Variants in CPS1 observed in about 807,000 individuals in gnomAD.
CPS1 encodes the protein carbamoyl-phosphate synthase [ammonia], mitochondrial.
Under a neutral mutation model 174.6 loss-of-function variants are expected in CPS1, and 109 were observed. The ratio of observed to expected loss-of-function variants is 0.62; its 90% CI spans 0.53 to 0.73. The LOEUF is 0.73. Among genes scored for constraint, CPS1 ranks in the 30% least tolerant of loss-of-function variants. The pLI is 0.00. For missense variants in CPS1, 1,689 were observed against 1,821.9 expected (o/e 0.93, Z 1.33); for synonymous variants, 637 against 632.0 (o/e 1.01, Z -0.12).
intron 20 of CPS1, among the ~76,000 whole-genome samples, chr2:210,615,321 G>A (rs1699271442): frequency 1.3e-5 from 2 of 151,878 alleles, no homozygotes; most frequent in Admixed American, 1.3e-4. Context: ...CATTGACTAG[G>A]AAATGAACAT....
At chr2:210,663,082 C>T (rs762831530) in intron 32 of CPS1, 41 bp from the exon 33 acceptor site, 2 of 1,553,284 alleles carry the variant, frequency 1.3e-6, no homozygotes, top group Non-Finnish European at 1.8e-6. Flanking sequence ...TCTACTTTTC[C>T]CTCACATAAT....
intron 1 of CPS1, among the ~76,000 whole-genome samples, chr2:210,561,992 TTTTAA>T (rs1325326964): frequency 1.3e-5 from 2 of 152,216 alleles, no homozygotes; most frequent in African/African-American, 4.8e-5. Context: ...TATAAGACCA[TTTTAA>T]TTTATCACCA....
chr2:210,503,702 A>G (rs542028005), intron 1 of CPS1, among the ~76,000 whole-genome samples: 9 of 152,326 alleles, frequency 5.9e-5, no homozygotes, highest in African/African-American at 2.2e-4. Flanking sequence ...GAACACATTC[A>G]GGTTACAATG....
At chr2:210,638,798 G>A (rs962510859) in intron 22 of CPS1, among the ~76,000 whole-genome samples, 7 of 152,100 alleles carry the variant, frequency 4.6e-5, no homozygotes, top group South Asian at 2.1e-4. Context: ...CTTACGTATA[G>A]GTCATTTTGC....
chr2:210,501,071 A>T (rs2105962568), intron 1 of CPS1, among the ~76,000 whole-genome samples: 2 of 152,276 alleles, frequency 1.3e-5, no homozygotes, highest in Middle Eastern at 6.8e-3. Context: ...CTCTGAAGCC[A>T]TGGCCAGAGC....
chr2:210,552,894 T>C (rs1194666005), upstream of CPS1, among the ~76,000 whole-genome samples: 1 of 151,942 alleles, frequency 6.6e-6, no homozygotes, highest in Non-Finnish European at 1.5e-5. Flanking sequence ...TGATTTAAAA[T>C]AGAAATGAAA....
At chr2:210,585,799 C>G (rs1303910146) in intron 6 of CPS1, among the ~76,000 whole-genome samples, 2 of 151,710 alleles carry the variant, frequency 1.3e-5, no homozygotes, top group South Asian at 2.1e-4. Flanking sequence ...AATTTTAAAT[C>G]AGAAATGGTA....
At chr2:210,573,933 G>A (rs1337204688) in intron 2 of CPS1, among the ~76,000 whole-genome samples, 1 of 151,996 alleles carries the variant, frequency 6.6e-6, no homozygotes, top group Non-Finnish European at 1.5e-5. Flanking sequence ...CAATGAGGGA[G>A]CATCTGTGTA....
At chr2:210,622,170 T>C (rs1699550286) in intron 21 of CPS1, among the ~76,000 whole-genome samples, 3 of 151,582 alleles carry the variant, frequency 2.0e-5, no homozygotes, top group African/African-American at 7.3e-5. Context: ...TTGCTATTTA[T>C]GTGAGCAATA....
intron 25 of CPS1, among the ~76,000 whole-genome samples, 180 bp from the exon 26 acceptor site, chr2:210,647,683 A>G (rs1700422446): frequency 6.6e-6 from 1 of 152,234 alleles, no homozygotes; most frequent in African/African-American, 2.4e-5. Flanking sequence ...AGATTTTAGC[A>G]TCTAAGTGCC....
intron 10 of CPS1, among the ~76,000 whole-genome samples, chr2:210,592,188 A>C (rs927275971): frequency 1.3e-5 from 2 of 152,000 alleles, no homozygotes; most frequent in Non-Finnish European, 2.9e-5. Context: ...GCTGTTTTGA[A>C]ATATGCAATA....
intron 1 of CPS1, among the ~76,000 whole-genome samples, chr2:210,560,138 A>G (rs118170559): frequency 2.6e-5 from 4 of 152,238 alleles, no homozygotes; most frequent in Admixed American, 1.3e-4. Context: ...AGACTCAAGG[A>G]AAATGAAGCA....
chr2:210,579,865 A>C, intron 5 of CPS1, 95 bp downstream of exon 5: 1 of 1,018,560 alleles, frequency 9.8e-7, no homozygotes, highest in Non-Finnish European at 1.5e-6. Flanking sequence ...GGGATCCATT[A>C]ATATGTAAAG....
intron 21 of CPS1, among the ~76,000 whole-genome samples, chr2:210,625,779 C>G (rs1699681620): frequency 6.6e-6 from 1 of 152,026 alleles, no homozygotes; most frequent in Admixed American, 6.6e-5. Context: ...CTATAAGGTC[C>G]AAACACATAG....
intron 1 of CPS1, among the ~76,000 whole-genome samples, chr2:210,514,193 A>G (rs761716429): frequency 6.6e-6 from 1 of 151,990 alleles, no homozygotes; most frequent in Non-Finnish European, 1.5e-5. Flanking sequence ...TATGAATTGT[A>G]GAATAGTTTC....
rs750243323 is a variant in CPS1, at chr2:210,642,560, G to A, written c.3036G>A (p.Val1012=). ...GTCAACTTGGCAAGAAGACGGTGGT[G>A]GTGAATTGCAATCCTGAGACTGTGA... ...TLRQLGKKTV[V]VNCNPETVST... is the part of the protein sequence containing the mutation. Residue 1012 remains valine (V), a synonymous_variant, in exon 25 of 38, where the codon GTG becomes GTA. Transcript: ENST00000233072. The A allele has an allele frequency of 1.9e-6, 3 of 1,613,994 alleles. No homozygotes were observed. Among genetic ancestry groups the A allele is most frequent in the South Asian group, 2.2e-5 (2 of 91,066 alleles).
intron 1 of CPS1, among the ~76,000 whole-genome samples, chr2:210,488,501 T>G (rs1448634062): frequency 2.0e-5 from 3 of 152,234 alleles, no homozygotes; most frequent in Non-Finnish European, 4.4e-5. Context: ...TTTGACAGAT[T>G]GTAGTTTTCC....
At chr2:210,591,452 C>T (rs922961573) in intron 9 of CPS1, among the ~76,000 whole-genome samples, 8 of 152,100 alleles carry the variant, frequency 5.3e-5, no homozygotes, top group African/African-American at 1.9e-4. Flanking sequence ...GAGCAGTCAT[C>T]TCTTTGTTAT....
At chr2:210,573,815 C>T (rs1295323458) in intron 2 of CPS1, among the ~76,000 whole-genome samples, 1 of 151,986 alleles carries the variant, frequency 6.6e-6, no homozygotes, top group Non-Finnish European at 1.5e-5. Context: ...CAATTTTGCA[C>T]ATCTAATATG....
Sources: gnomAD v4.1 joint callset for allele counts (sites outside exome capture counted in the v4.1 genomes callset) on GRCh38, gnomAD v4.1.1 for gene constraint, MANE v1.5 for transcripts, NCBI Gene and HGNC (gene_info 2026-07-23, HGNC 2026-07-21) for gene names.